NAV3: variants seen among roughly 807,000 people sequenced by gnomAD.
NAV3 encodes pore membrane and/or filament interacting like protein 1.
Under a neutral mutation model 244.7 loss-of-function variants are expected in NAV3, and 87 were observed. The ratio of observed to expected loss-of-function variants is 0.36; its 90% confidence interval spans 0.30 to 0.42. NAV3 has a LOEUF of 0.42. Ranked by LOEUF, NAV3 falls within the 20% of genes least tolerant of loss-of-function variation. The pLI, the probability that NAV3 is intolerant of heterozygous loss-of-function variation, is 1.00. For synonymous variants in NAV3, 1,126 were observed against 1,042.2 expected (o/e 1.08, Z -1.55); for missense variants, 2,663 against 2,893.3 (o/e 0.92, Z 1.83).
intron 14 of NAV3, among the ~76,000 whole-genome samples, chr12:78,118,657 A>C (rs1460471489): frequency 6.6e-6 from 1 of 152,190 alleles, no homozygotes; most frequent in East Asian, 1.9e-4. Flanking sequence ...TTTTTACACT[A>C]AATATGCCAC....
Position 78,177,618 on chromosome 12 carries a change from A to G in NAV3, c.5298-2A>G. 6.3e-7 allele frequency: 1 copy of G among 1,597,024 alleles called. No individual in the cohort carries two copies. Among genetic ancestry groups the G allele is most frequent in the Non-Finnish European group, 8.5e-7 (1 of 1,178,992 alleles). Reference sequence around the variant, plus strand: ...TATCTGTCTAACTGTATGTACATACAGGTCACCCCTTGTCTGGCCACCAAA... The same window carrying G: ...TATCTGTCTAACTGTATGTACATACGGGTCACCCCTTGTCTGGCCACCAAA... On this transcript the variant is annotated splice_acceptor_variant, in intron 27 of 39. Coordinates refer to ENST00000397909, the MANE Select transcript of NAV3 (RefSeq NM_001024383.2). LOFTEE classifies it high-confidence loss of function.
At chr12:77,634,622 A>C (rs1872071849) in intron 2 of NAV3, among the ~76,000 whole-genome samples, 1 of 152,160 alleles carries the variant, frequency 6.6e-6, no homozygotes, top group Non-Finnish European at 1.5e-5. Flanking sequence ...TCATAGTGTA[A>C]AATTTTAGAA....
chr12:77,604,485 G>T (rs1870581254), intron 2 of NAV3, among the ~76,000 whole-genome samples: 1 of 151,838 alleles, frequency 6.6e-6, no homozygotes, highest in Non-Finnish European at 1.5e-5. Flanking sequence ...ACCAGGGTCT[G>T]GCACAGAGCA....
intron 7 of NAV3, among the ~76,000 whole-genome samples, chr12:78,000,649 G>A (rs199529456): frequency 2.9e-5 from 4 of 138,130 alleles, no homozygotes; most frequent in African/African-American, 8.1e-5. Flanking sequence ...GACTACAGGC[G>A]CCCGCCACCA....
At chr12:77,693,275 G>A (rs1473931590) in intron 2 of NAV3, among the ~76,000 whole-genome samples, 1 of 152,076 alleles carries the variant, frequency 6.6e-6, no homozygotes, top group East Asian at 1.9e-4. Flanking sequence ...ATAATAGTGT[G>A]CAACTTCTAG....
intron 1 of NAV3, among the ~76,000 whole-genome samples, chr12:77,836,684 T>C (rs1455648690): frequency 6.6e-6 from 1 of 152,196 alleles, no homozygotes; most frequent in Non-Finnish European, 1.5e-5. Context: ...CTCTTAATGA[T>C]GTAACAGCAA....
intron 22 of NAV3, among the ~76,000 whole-genome samples, chr12:78,150,631 T>TCACACACA (rs34534100): frequency 9.1e-4 from 132 of 144,326 alleles, no homozygotes; most frequent in Middle Eastern, 3.6e-3. Context: ...AAAAGCTTCC[T>TCACACACA]CACACACACA....
intron 2 of NAV3, among the ~76,000 whole-genome samples, chr12:77,795,664 A>G (rs1871374053): frequency 6.6e-6 from 1 of 152,204 alleles, no homozygotes; most frequent in Non-Finnish European, 1.5e-5. Context: ...GAAAAAGTCA[A>G]TGCTTGGCTT....
intron 2 of NAV3, among the ~76,000 whole-genome samples, chr12:77,679,428 T>C (rs1328340784): frequency 1.3e-5 from 2 of 151,950 alleles, no homozygotes; most frequent in African/African-American, 4.8e-5. Flanking sequence ...ATGGAACATA[T>C]AGAAAGGGAT....
intron 2 of NAV3, among the ~76,000 whole-genome samples, chr12:77,653,206 C>G (rs533100618): frequency 6.6e-6 from 1 of 152,198 alleles, no homozygotes; most frequent in African/African-American, 2.4e-5. Flanking sequence ...GGTAGACTTA[C>G]GTAAGCACCT....
Position 78,148,822 on chromosome 12 carries a change from A to ATTT in NAV3, c.4708-15_4708-13dup. ...AAAAATCTACTTGCCTATTCCATTG[A>ATTT]TTTTTTTAATTGCATTCAGCAAATC... is the stretch of plus-strand genomic sequence containing the variant. On this transcript the variant is annotated intron_variant, in intron 21 of 39. Transcript: ENST00000397909. The ATTT allele has an allele frequency of 6.2e-7, 1 of 1,603,554 alleles. No homozygotes were observed. Among genetic ancestry groups the ATTT allele is most frequent in the Admixed American group, 1.7e-5 (1 of 58,846 alleles).
At chr12:77,657,617 A>T (rs1445411026) in intron 2 of NAV3, among the ~76,000 whole-genome samples, 1 of 152,236 alleles carries the variant, frequency 6.6e-6, no homozygotes, top group Admixed American at 6.5e-5. Flanking sequence ...TGAGGCCAGC[A>T]TCATCCTGAT....
At position 78,047,283 on chromosome 12, in the gene NAV3, C is replaced by G. The variant is rs1046375559; in HGVS notation, c.2024-2710C>G. 5.3e-5 allele frequency among the ~76,000 whole-genome samples: 8 copies of G among 152,102 alleles called. No homozygotes were observed. The South Asian group carries it at 8.3e-4, about 16-fold the overall frequency. On this transcript the variant is annotated intron_variant, in intron 9 of 39. Coordinates refer to ENST00000397909, the MANE Select transcript of NAV3 (RefSeq NM_001024383.2). ...CAGGCGGATCATGAGGTCAGGAGAT[C>G]GAGACCATCCTGGCTAACACGGTGA...
At chr12:77,812,604 G>A (rs1263748835) in intron 2 of NAV3, among the ~76,000 whole-genome samples, 1 of 151,678 alleles carries the variant, frequency 6.6e-6, no homozygotes, top group Non-Finnish European at 1.5e-5. Flanking sequence ...TAGTAGAGAT[G>A]AGGTTTCACC....
intron 22 of NAV3, 127 bp from the exon 23 acceptor site, chr12:78,159,076 A>T (rs1329892707): frequency 1.6e-6 from 1 of 608,494 alleles, no homozygotes. Flanking sequence ...GTCAGAGCTA[A>T]CTATGATAGT....
intron 22 of NAV3, among the ~76,000 whole-genome samples, chr12:78,154,578 A>C (rs1957225816): frequency 6.6e-6 from 1 of 151,450 alleles, no homozygotes; most frequent in South Asian, 2.1e-4. Flanking sequence ...GAGAGTATGG[A>C]TTGAAATGAT....
intron 3 of NAV3, among the ~76,000 whole-genome samples, chr12:77,960,940 A>C (rs1455435296): frequency 6.8e-6 from 1 of 146,828 alleles, no homozygotes; most frequent in African/African-American, 2.5e-5. Flanking sequence ...TTATGTGTAT[A>C]CATGCCTATG....
intron 5 of NAV3, among the ~76,000 whole-genome samples, chr12:77,977,103 CT>C (rs953098254): frequency 7.9e-5 from 12 of 152,280 alleles, no homozygotes; most frequent in African/African-American, 2.9e-4. Context: ...GTTTGTGTTT[CT>C]ATCCATTATT....
intron 13 of NAV3, among the ~76,000 whole-genome samples, chr12:78,117,665 A>G (rs1955479846): frequency 6.6e-6 from 1 of 151,774 alleles, no homozygotes; most frequent in African/African-American, 2.4e-5. Flanking sequence ...ATAGTTCTTG[A>G]TTAATTTTAT....
Sources: allele counts gnomAD v4.1 joint callset (sites outside exome capture counted in the v4.1 genomes callset), GRCh38; gene constraint gnomAD v4.1.1; transcripts MANE v1.5; gene names NCBI Gene and HGNC (gene_info 2026-07-23, HGNC 2026-07-21).